NELL1: variants seen among roughly 807,000 people sequenced by gnomAD.
NELL1 encodes neural EGFL like 1, also known as protein kinase C-binding protein NELL1.
In NELL1, 76 loss-of-function variants were observed where a neutral mutation model predicts 107.4. The ratio of observed to expected loss-of-function variants is 0.71; its 90% CI spans 0.59 to 0.86. NELL1 has a LOEUF of 0.86. Among genes scored for constraint, NELL1 ranks in the 40% least tolerant of loss-of-function variants. NELL1 has a pLI of 0.00. For synonymous variants in NELL1, 353 were observed against 341.2 expected (o/e 1.03, Z -0.38); for missense variants, 1,024 against 1,005.5 (o/e 1.02, Z -0.25).
intron 12 of NELL1, among the ~76,000 whole-genome samples, chr11:21,003,878 A>G (rs115071567): frequency 0.02 from 3,075 of 152,220 alleles, 123 homozygotes; most frequent in African/African-American, 0.07. Context: ...TTGTAGATTC[A>G]AATTCTCAAA....
intron 13 of NELL1, among the ~76,000 whole-genome samples, chr11:21,221,596 T>C (rs1240349137): frequency 6.6e-6 from 1 of 152,226 alleles, no homozygotes; most frequent in Non-Finnish European, 1.5e-5. Context: ...TATTTCTTTC[T>C]GCTTTAAAAT....
At chr11:21,444,674 C>G (rs1265312963) in intron 15 of NELL1, among the ~76,000 whole-genome samples, 2 of 152,058 alleles carry the variant, frequency 1.3e-5, no homozygotes, top group East Asian at 3.8e-4. Flanking sequence ...GTGTGATAAT[C>G]ACACCAGGAT....
At chr11:20,957,663 T>A (rs7104150) in intron 11 of NELL1, among the ~76,000 whole-genome samples, 16,553 of 151,922 alleles carry the variant, frequency 0.11, 1,140 homozygotes, top group East Asian at 0.24. Flanking sequence ...AAAGGAAATT[T>A]AAAAAAATGA....
Position 20,669,873 on chromosome 11 carries a change from G to T in NELL1, c.55+95G>T. ...AGACCTGGAGCCGAGCTTTGCGCTG[G>T]TCTGGGGAACGGCGGTAGCGTGGAC... is the stretch of plus-strand genomic sequence containing the variant. On this transcript the variant is annotated intron_variant, in intron 1 of 19. Transcript: ENST00000357134. This position sits in a 1 kb window ranked among gnomAD's most constrained non-coding sequence, Gnocchi z 4.4. The T allele has an allele frequency of 9.5e-6, 10 of 1,054,600 alleles. No homozygotes were observed. Among genetic ancestry groups the T allele is most frequent in the Non-Finnish European group, 1.5e-5 (10 of 675,898 alleles). The allele number at this position is 1,054,600 out of a possible 1,614,324, so 65.3% of individuals were successfully genotyped here.
At chr11:20,882,188 T>G (rs1849421927) in intron 4 of NELL1, among the ~76,000 whole-genome samples, 1 of 152,216 alleles carries the variant, frequency 6.6e-6, no homozygotes, top group African/African-American at 2.4e-5. Flanking sequence ...TAGGGGTACG[T>G]GTAGGAATGT....
chr11:20,879,475 T>G (rs924700474), intron 4 of NELL1, among the ~76,000 whole-genome samples: 4 of 152,196 alleles, frequency 2.6e-5, no homozygotes, highest in Admixed American at 2.0e-4. Context: ...TAAATCCAAT[T>G]AAATGTCCCA....
At chr11:21,195,435 A>G (rs1034023000) in intron 13 of NELL1, among the ~76,000 whole-genome samples, 3 of 152,106 alleles carry the variant, frequency 2.0e-5, no homozygotes, top group Non-Finnish European at 4.4e-5. Context: ...TTAAGATTGC[A>G]AAAATCTTAG....
chr11:21,491,449 T>C (rs1854808895), intron 15 of NELL1, among the ~76,000 whole-genome samples: 1 of 152,120 alleles, frequency 6.6e-6, no homozygotes, highest in African/African-American at 2.4e-5. Context: ...ATTTATTAAA[T>C]AGGGAATCCT....
At chr11:21,435,674 C>T (rs938956534) in intron 15 of NELL1, among the ~76,000 whole-genome samples, 10 of 151,436 alleles carry the variant, frequency 6.6e-5, no homozygotes, top group Non-Finnish European at 1.2e-4. Flanking sequence ...GGGATAAATC[C>T]CATTTGATCA....
chr11:20,680,577 C>T (rs1323540966), intron 2 of NELL1, among the ~76,000 whole-genome samples: 1 of 152,082 alleles, frequency 6.6e-6, no homozygotes, highest in Non-Finnish European at 1.5e-5. Flanking sequence ...ATAGATATTT[C>T]TGTTCCAAAG....
intron 14 of NELL1, among the ~76,000 whole-genome samples, chr11:21,300,952 G>A (rs1432518401): frequency 1.3e-5 from 2 of 151,998 alleles, no homozygotes; most frequent in Admixed American, 1.3e-4. Flanking sequence ...GTGTCCAAGT[G>A]TTCTCATTGT....
intron 14 of NELL1, among the ~76,000 whole-genome samples, chr11:21,298,926 A>C (rs1345746215): frequency 1.3e-5 from 2 of 151,890 alleles, no homozygotes; most frequent in African/African-American, 4.8e-5. Context: ...CTCTCCTGTG[A>C]GGCTATTTTG....
chr11:20,805,062 G>A (rs1564915945), intron 3 of NELL1, among the ~76,000 whole-genome samples: 1 of 151,984 alleles, frequency 6.6e-6, no homozygotes, highest in African/African-American at 2.4e-5. Flanking sequence ...GCCTTAAAAT[G>A]TATTTTATCT....
intron 13 of NELL1, among the ~76,000 whole-genome samples, chr11:21,186,333 T>A (rs965656424): frequency 2.0e-4 from 30 of 151,952 alleles, no homozygotes; most frequent in African/African-American, 6.5e-4. Flanking sequence ...AGGAAATGGA[T>A]GCTGGATGGC....
intron 15 of NELL1, among the ~76,000 whole-genome samples, chr11:21,378,265 G>GTA (rs5790180): frequency 0.027 from 3,925 of 143,744 alleles, 56 homozygotes; most frequent in Middle Eastern, 0.054. Flanking sequence ...GCATATATAT[G>GTA]TATATATATA....
intron 15 of NELL1, among the ~76,000 whole-genome samples, chr11:21,399,011 G>T (rs1201804504): frequency 6.6e-6 from 1 of 150,414 alleles, no homozygotes; most frequent in South Asian, 2.1e-4. Flanking sequence ...TTTGTCTTTT[G>T]GTGGTAAGAA....
chr11:20,783,125 G>A (rs1043804751), intron 2 of NELL1, among the ~76,000 whole-genome samples: 2 of 152,194 alleles, frequency 1.3e-5, no homozygotes, highest in African/African-American at 4.8e-5. Context: ...ATTAGTGCTA[G>A]TAAATATCTG....
At chr11:20,799,759 A>T (rs1168705756) in intron 3 of NELL1, among the ~76,000 whole-genome samples, 1 of 152,140 alleles carries the variant, frequency 6.6e-6, no homozygotes, top group Non-Finnish European at 1.5e-5. Context: ...ATGCTGAGGG[A>T]TATGGAGATA....
chr11:21,493,361 A>T (rs1012242609), intron 15 of NELL1, among the ~76,000 whole-genome samples: 1 of 152,152 alleles, frequency 6.6e-6, no homozygotes, highest in Non-Finnish European at 1.5e-5. Context: ...ACAAATGAAT[A>T]AAGTAAATGT....
Sources: allele counts gnomAD v4.1 joint callset (sites outside exome capture counted in the v4.1 genomes callset), GRCh38; gene constraint gnomAD v4.1.1; non-coding constraint Gnocchi (gnomAD v3.1); transcripts MANE v1.5; gene names NCBI Gene and HGNC (gene_info 2026-07-23, HGNC 2026-07-21).